Variants in ZFP64 observed in about 807,000 individuals in gnomAD.
ZFP64 encodes the protein ZFP64 zinc finger protein, also known as zinc finger protein 64.
A neutral mutation model predicts 51.6 loss-of-function variants in ZFP64; 14 were observed. The observed-to-expected ratio is 0.27, with a 90% CI of 0.18 to 0.42. The LOEUF is 0.42. Among genes scored for constraint, ZFP64 ranks in the 10% least tolerant of loss-of-function variants. The pLI, the probability that ZFP64 is intolerant of heterozygous loss-of-function variation, is 1.00. For missense variants in ZFP64, 754 were observed against 906.8 expected, an observed-to-expected ratio of 0.83 and a Z score of 2.16; for synonymous variants, 375 against 361.4, an observed-to-expected ratio of 1.04 and a Z score of -0.43.
chr20:52,160,366 G>T lies in ZFP64; in HGVS notation c.520C>A (p.Pro174Thr), dbSNP rs1375877782. ...TTGCCACAGACTTCACACTTATGGG[G>T]TTTGTCTCCTTCAAACACATACACA... Reference protein sequence around the residue: ...RHLKIHTGDKPHKCEVCGKCF... With the variant: ...RHLKIHTGDKTHKCEVCGKCF... The change falls in exon 5 of 6, where the codon CCC becomes ACC. Residue 174 changes from proline (P) to threonine (T), a missense_variant. Coordinates refer to ENST00000216923, the MANE Select transcript of ZFP64 (RefSeq NM_018197.3). This position sits in a 1 kb window ranked among gnomAD's most constrained non-coding sequence, Gnocchi z 4.2. 2.5e-6 allele frequency: 4 copies of T among 1,612,086 alleles called. No individual in the cohort carries two copies. The highest frequency in any genetic ancestry group is 1.7e-5 in the Admixed American group (1 of 59,868).
At chr20:52,130,450 G>A (rs1367108929) in intron 5 of ZFP64, among the ~76,000 whole-genome samples, 1 of 152,050 alleles carries the variant, frequency 6.6e-6, no homozygotes, top group East Asian at 1.9e-4. Context: ...CTAGCCTCAA[G>A]CGATGCTCCT....
At chr20:52,132,682 T>C (rs1389746116) in intron 5 of ZFP64, among the ~76,000 whole-genome samples, 2 of 151,990 alleles carry the variant, frequency 1.3e-5, no homozygotes, top group Admixed American at 6.6e-5. Flanking sequence ...CCTGAACAGA[T>C]CATTAACAAG....
intron 5 of ZFP64, chr20:52,111,169 A>T: frequency 1.6e-6 from 1 of 609,572 alleles, no homozygotes; most frequent in Middle Eastern, 4.1e-4. Flanking sequence ...GGGAAGCCGT[A>T]GTGGAGAACG....
Position 52,187,001 on chromosome 20 carries a change from C to A in ZFP64, c.117G>T (p.Gln39His), listed in dbSNP as rs767046645. Residue 39 changes from glutamine (Q) to histidine (H), a missense_variant, in exon 2 of 6, where the codon CAG becomes CAT. By Grantham distance (24) the Gln-to-His change is conservative (BLOSUM62 0). Coordinates refer to ENST00000216923, the MANE Select transcript of ZFP64 (RefSeq NM_018197.3). ...CTACAAAGGCATCCAGGTTGTTAAA[C>A]TGCTGCTTGCAGATGCCGCAGATAT... Reference protein sequence around the residue: ...DIHICGICKQQFNNLDAFVAH... With the variant: ...DIHICGICKQHFNNLDAFVAH... The A allele has an allele frequency of 6.2e-7, 1 of 1,614,016 alleles. No individual in the cohort carries two copies. The highest frequency in any genetic ancestry group is 8.5e-7 in the Non-Finnish European group (1 of 1,179,866).
chr20:52,098,173 A>C (rs983139239), intron 6 of ZFP64, among the ~76,000 whole-genome samples: 28 of 6,858 alleles, frequency 4.1e-3, no homozygotes, highest in African/African-American at 0.02. Flanking sequence ...AACTGTCTCC[A>C]AAAAAAAAAA....
intron 2 of ZFP64, among the ~76,000 whole-genome samples, chr20:52,184,459 T>C (rs2123122012): frequency 6.6e-6 from 1 of 152,276 alleles, no homozygotes; most frequent in Non-Finnish European, 1.5e-5. Flanking sequence ...ATCCCTGTTC[T>C]AGAAACTTCC....
At chr20:52,184,835 C>T (rs118049525) in intron 2 of ZFP64, among the ~76,000 whole-genome samples, 2,416 of 152,090 alleles carry the variant, frequency 0.016, 100 homozygotes, top group Admixed American at 0.092. Flanking sequence ...GCTATGTTGA[C>T]GAGGCTGGTC....
chr20:52,189,452 T>C (rs1984215906), intron 1 of ZFP64, among the ~76,000 whole-genome samples: 1 of 151,746 alleles, frequency 6.6e-6, no homozygotes, highest in Admixed American at 6.6e-5. Flanking sequence ...CATAGTATTG[T>C]AAAACTAATC....
intron 2 of ZFP64, chr20:52,175,962 C>T (rs184745611): frequency 2.0e-6 from 2 of 984,370 alleles, no homozygotes; most frequent in African/African-American, 3.5e-5. Context: ...CCACAGTGGG[C>T]GTTAGACCGG....
chr20:52,152,722 G>A lies in ZFP64; in HGVS notation c.1470C>T (p.Pro490=), dbSNP rs761392470. The change falls in exon 6 of 6, where the codon CCC becomes CCT. Residue 490 remains proline, a synonymous_variant. Coordinates refer to ENST00000216923, the MANE Select transcript of ZFP64 (RefSeq NM_018197.3). The part of the protein sequence containing the change: ...LQVPLQPSQV[P]QFSEGRVKII... ...TTTTGACTCTTCCCTCGCTGAACTG[G>A]GGCACTTGGCTGGGCTGGAGGGGCA... The A allele has an allele frequency of 2.5e-6, 4 of 1,570,372 alleles. No homozygotes were observed. Among genetic ancestry groups the A allele is most frequent in the Non-Finnish European group, 3.5e-6 (4 of 1,156,832 alleles).
At chr20:52,129,198 C>G (rs868666780) in intron 5 of ZFP64, among the ~76,000 whole-genome samples, 3 of 152,160 alleles carry the variant, frequency 2.0e-5, no homozygotes, top group Middle Eastern at 3.4e-3. Flanking sequence ...TCTCCCGCCT[C>G]AGCTTCCCAA....
intron 1 of ZFP64, 150 bp from the exon 2 acceptor site, chr20:52,187,221 T>A (rs7269302): frequency 0.081 from 60,940 of 749,496 alleles, 4,090 homozygotes; most frequent in African/African-American, 0.28. Context: ...TCCTGCGAAC[T>A]GCATCCTAAT....
intron 5 of ZFP64, among the ~76,000 whole-genome samples, chr20:52,157,215 T>C (rs1276503006): frequency 1.3e-5 from 2 of 152,194 alleles, no homozygotes; most frequent in Non-Finnish European, 2.9e-5. Context: ...TTCTCTCAGC[T>C]GGACAAAGGA....
chr20:52,187,037 A>C lies in ZFP64; in HGVS notation c.81T>G (p.Thr27=), dbSNP rs563974493. ...AGATGCCGCAGATATGGATGTCGGGAGTCAGCTCCACCAGCACCGTTGTGC... is the reference window on the plus strand; with the variant it reads ...AGATGCCGCAGATATGGATGTCGGGCGTCAGCTCCACCAGCACCGTTGTGC... ...PGGTTVLVEL[T]PDIHICGICK... Residue 27 remains threonine, a synonymous_variant, in exon 2 of 6, where the codon ACT becomes ACG. Transcript: ENST00000216923. 1.9e-6 allele frequency: 3 copies of C among 1,611,838 alleles called. No individual in the cohort carries two copies. In the Admixed American group the frequency reaches 5.0e-5, roughly 27 times the overall value.
chr20:52,162,255 GC>G (rs1376594385), intron 4 of ZFP64, among the ~76,000 whole-genome samples: 4 of 152,004 alleles, frequency 2.6e-5, no homozygotes, highest in Admixed American at 2.0e-4. Context: ...CTGAGATTGT[GC>G]CACTGCGCTA....
chr20:52,150,342 A>G (rs187942092), downstream of ZFP64, among the ~76,000 whole-genome samples: 11 of 152,288 alleles, frequency 7.2e-5, no homozygotes. Context: ...TATCTTGAAT[A>G]CACATTATAA....
chr20:52,139,823 T>C (rs1007545965), intron 5 of ZFP64, among the ~76,000 whole-genome samples: 1 of 151,228 alleles, frequency 6.6e-6, no homozygotes, highest in South Asian at 2.1e-4. Context: ...TCCTTAGTTT[T>C]ATTGTGCTTT....
chr20:52,150,190 G>A (rs1980722587), downstream of ZFP64, among the ~76,000 whole-genome samples: 1 of 121,928 alleles, frequency 8.2e-6, no homozygotes, highest in African/African-American at 3.4e-5. Context: ...GGGCAACAGA[G>A]TGAGACTCCA....
intron 5 of ZFP64, among the ~76,000 whole-genome samples, chr20:52,156,644 C>A (rs1981347169): frequency 6.6e-6 from 1 of 152,196 alleles, no homozygotes; most frequent in African/African-American, 2.4e-5. Flanking sequence ...CGCTGCATCA[C>A]TGTGACAACA....
Sources: allele counts gnomAD v4.1 joint callset (sites outside exome capture counted in the v4.1 genomes callset), GRCh38; gene constraint gnomAD v4.1.1; non-coding constraint Gnocchi (gnomAD v3.1); transcripts MANE v1.5; gene names NCBI Gene and HGNC (gene_info 2026-07-23, HGNC 2026-07-21).